PTPRH: variants seen among roughly 807,000 people sequenced by gnomAD.
The protein encoded by PTPRH is protein tyrosine phosphatase receptor type H.
In PTPRH, 113 loss-of-function variants were observed where a neutral mutation model predicts 130.2. The ratio of observed to expected loss-of-function variants is 0.87; its 90% confidence interval spans 0.75 to 1.01. PTPRH has a LOEUF of 1.01. PTPRH is among the 50% of genes least tolerant of loss of function. The probability of loss-of-function intolerance (pLI) is 0.00; values close to 1 mark genes in which losing one functional copy is unlikely to be tolerated. For synonymous variants in PTPRH, 556 were observed against 577.9 expected (o/e 0.96, Z 0.54); for missense variants, 1,430 against 1,425.0 (o/e 1.00, Z -0.06).
intron 3 of PTPRH, among the ~76,000 whole-genome samples, 191 bp from the exon 4 acceptor site, chr19:55,205,783 T>C (rs1259968226): frequency 1.3e-5 from 2 of 152,002 alleles, no homozygotes; most frequent in Non-Finnish European, 2.9e-5. Context: ...GATGAGCCGT[T>C]AGTGGAAGAT....
intron 10 of PTPRH, chr19:55,194,445 T>G: frequency 1.2e-6 from 1 of 845,180 alleles, no homozygotes; most frequent in Non-Finnish European, 1.6e-6. Context: ...GAGAGAACTT[T>G]CTAAGCAATG....
At chr19:55,191,775 G>A (rs750028042) in intron 10 of PTPRH, 34 bp from the exon 11 acceptor site, 20 of 1,530,860 alleles carry the variant, frequency 1.3e-5, no homozygotes, top group Admixed American at 3.3e-5. Flanking sequence ...CCCTCAGAGC[G>A]CAGGTCTGAG....
chr19:55,183,518 G>A (rs777823770), intron 18 of PTPRH, among the ~76,000 whole-genome samples: 8 of 152,086 alleles, frequency 5.3e-5, no homozygotes, highest in East Asian at 1.9e-4. Context: ...GAGGTCAGGC[G>A]TTGGAGACCA....
At chr19:55,182,710 G>C (rs1321917263) in intron 18 of PTPRH, among the ~76,000 whole-genome samples, 1 of 152,152 alleles carries the variant, frequency 6.6e-6, no homozygotes, top group East Asian at 1.9e-4. Flanking sequence ...AGGCCACTCA[G>C]CTAATAAGTG....
intron 12 of PTPRH, among the ~76,000 whole-genome samples, chr19:55,188,626 C>A (rs1412124489): frequency 6.6e-6 from 1 of 152,248 alleles, no homozygotes; most frequent in East Asian, 1.9e-4. Context: ...CATCCTATCA[C>A]CATGGCTTGG....
At chr19:55,195,523 A>C (rs1347937252) in intron 10 of PTPRH, among the ~76,000 whole-genome samples, 1 of 152,040 alleles carries the variant, frequency 6.6e-6, no homozygotes, top group Non-Finnish European at 1.5e-5. Flanking sequence ...AAAAAAACAA[A>C]TTATGCTCAG....
At chr19:55,191,155 A>T (rs559478467) in intron 12 of PTPRH, among the ~76,000 whole-genome samples, 1 of 152,210 alleles carries the variant, frequency 6.6e-6, no homozygotes, top group African/African-American at 2.4e-5. Flanking sequence ...TTGTTTATTG[A>T]TATCTCCTGT....
intron 10 of PTPRH, among the ~76,000 whole-genome samples, chr19:55,193,825 G>C (rs1015771502): frequency 6.6e-6 from 1 of 151,420 alleles, no homozygotes; most frequent in Non-Finnish European, 1.5e-5. Flanking sequence ...AGCCTACCCA[G>C]ATCTGGTGGT....
intron 10 of PTPRH, among the ~76,000 whole-genome samples, chr19:55,193,694 C>T (rs183057644): frequency 1.6e-3 from 238 of 152,222 alleles, no homozygotes; most frequent in Non-Finnish European, 2.9e-3. Context: ...AGTGCCGAGG[C>T]GGGGGAAACA....
intron 10 of PTPRH, among the ~76,000 whole-genome samples, chr19:55,195,156 C>T (rs553352971): frequency 6.6e-6 from 1 of 152,100 alleles, no homozygotes; most frequent in Non-Finnish European, 1.5e-5. Flanking sequence ...AAAACCCCAT[C>T]TCTATTAAAA....
At chr19:55,189,604 C>T (rs545486069) in intron 12 of PTPRH, 9 of 442,822 alleles carry the variant, frequency 2.0e-5, no homozygotes, top group African/African-American at 1.4e-4. Flanking sequence ...GCATGCTCGG[C>T]TCCTCTCCCA....
rs367890327 is a variant in PTPRH at position 55,185,491 on chromosome 19, C to T, written c.3062+11G>A. ...TTCTCTCAAGGGAGAGGGTCCTGGG[C>T]TGGTCCCCACCTGCAGTGCACAATG... On this transcript the variant is annotated intron_variant, in intron 18 of 19. Transcript: ENST00000376350. 83 of 1,613,538 alleles carry T rather than the reference C, an allele frequency of 5.1e-5. No homozygotes were observed. Among genetic ancestry groups the T allele is most frequent in the Non-Finnish European group, 7.0e-5 (82 of 1,179,830 alleles).
intron 12 of PTPRH, among the ~76,000 whole-genome samples, chr19:55,190,951 C>G (rs2086518142): frequency 1.3e-5 from 2 of 152,150 alleles, no homozygotes; most frequent in Non-Finnish European, 2.9e-5. Flanking sequence ...ACGCCATTCT[C>G]CTGCCTCAGC....
chr19:55,197,001 G>T, intron 9 of PTPRH, 116 bp downstream of exon 9: 1 of 1,348,744 alleles, frequency 7.4e-7, no homozygotes, highest in Non-Finnish European at 1.0e-6. Context: ...CATCACTGCA[G>T]CTCATGAAGT....
chr19:55,190,572 T>C (rs956524841), intron 12 of PTPRH, among the ~76,000 whole-genome samples: 3 of 134,824 alleles, frequency 2.2e-5, no homozygotes, highest in Non-Finnish European at 4.7e-5. Context: ...ATATAACATA[T>C]AATATATTAT....
In PTPRH at chr19:55,196,506, G is replaced by T; in HGVS notation, c.2257+16C>A. 1 of 1,600,854 alleles carries T rather than the reference G, an allele frequency of 6.2e-7. No individual in the cohort carries two copies. The highest frequency in any genetic ancestry group is 8.5e-7 in the Non-Finnish European group (1 of 1,173,334). ...GAATTTCATCATAGCTGGCTGGCCCGCGCGGCTCCGCTCACCTGCACTCTC... is the reference window on the plus strand; with the variant it reads ...GAATTTCATCATAGCTGGCTGGCCCTCGCGGCTCCGCTCACCTGCACTCTC... On this transcript the variant is annotated intron_variant, in intron 10 of 19. Transcript: ENST00000376350.
rs755922055 is a variant in PTPRH, at chr19:55,188,066, T to A, written c.2475+12A>T. ...AGGGAGACTGAGCTCAGCCCCTCTG[T>A]CCTCTCCCCACCTGGTACTCGTCTG... On this transcript the variant is annotated intron_variant, in intron 13 of 19. Transcript: ENST00000376350. The A allele has an allele frequency of 6.2e-7, 1 of 1,609,764 alleles. No individual in the cohort carries two copies. The highest frequency in any genetic ancestry group is 1.7e-5 in the Admixed American group (1 of 60,002).
intron 1 of PTPRH, among the ~76,000 whole-genome samples, chr19:55,208,508 A>G (rs1310587252): frequency 2.8e-3 from 2 of 722 alleles, no homozygotes; most frequent in Admixed American, 9.3e-3. Flanking sequence ...TGGACCCCTG[A>G]GTCTGAGGGA....
chr19:55,198,844 C>A lies in PTPRH; in HGVS notation c.1489G>T (p.Ala497Ser), dbSNP rs376153047. The A allele has an allele frequency of 2.8e-5, 45 of 1,587,570 alleles. No individual in the cohort carries two copies. Among genetic ancestry groups the A allele is most frequent in the Non-Finnish European group, 3.6e-5 (42 of 1,165,082 alleles). ...GAAGACTGGCCTGGGCCCTGGGGAG[C>A]TGTCCAGCGCAAAGCAATGGTGCTG... ...TNSTIALRWT[A>S]PQGPGQSSYS... Residue 497 changes from alanine to serine, a missense_variant, in exon 8 of 20, where the codon GCT becomes TCT. Transcript: ENST00000376350.
Sources: gnomAD v4.1 joint callset for allele counts (sites outside exome capture counted in the v4.1 genomes callset) on GRCh38, gnomAD v4.1.1 for gene constraint, MANE v1.5 for transcripts, NCBI Gene and HGNC (gene_info 2026-07-23, HGNC 2026-07-21) for gene names.